LRP1B: variants seen among roughly 807,000 people sequenced by gnomAD.
The protein encoded by LRP1B is low-density lipoprotein receptor-related protein 1B.
LRP1B carries 217 observed loss-of-function variants against 556.6 expected under a neutral mutation model. The ratio of observed to expected loss-of-function variants is 0.39; its 90% confidence interval spans 0.35 to 0.44. The LOEUF is 0.44. Ranked by LOEUF, LRP1B falls within the 20% of genes least tolerant of loss-of-function variation. The pLI is 1.00. For missense variants in LRP1B, 5,053 were observed against 5,620.8 expected (o/e 0.90, Z 3.23); for synonymous variants, 2,047 against 1,865.8 (o/e 1.10, Z -2.50).
chr2:140,583,161 C>A (rs1484025119), intron 43 of LRP1B, among the ~76,000 whole-genome samples: 1 of 97,556 alleles, frequency 1.0e-5, no homozygotes, highest in Non-Finnish European at 2.0e-5. Context: ...GACAGTTTCT[C>A]CTTTTTTTTC....
rs539594068 is a variant in LRP1B at position 141,505,093 on chromosome 2, C to T, written c.206-24560G>A. ...TGTTTGAGAAGAATAAATCCCTCCT[C>T]TCTCTCTCTATCTCTCTCTCTCCCC... On this transcript the variant is annotated intron_variant, in intron 2 of 90. Transcript: ENST00000389484. Among the ~76,000 whole-genome samples, 429 of 110,528 alleles carry T rather than the reference C, an allele frequency of 3.9e-3. 4 individuals carry two copies. The highest frequency in any genetic ancestry group is 0.012 in the African/African-American group (345 of 28,502). 72.5% of individuals were successfully genotyped at this position (110,528 alleles called of 152,430 possible). A position where few individuals can be genotyped will look rare whatever the true frequency, so the allele number is the denominator to read the frequency against.
At chr2:140,314,001 C>T (rs1228448637) in intron 83 of LRP1B, among the ~76,000 whole-genome samples, 2 of 151,380 alleles carry the variant, frequency 1.3e-5, no homozygotes, top group South Asian at 4.2e-4. Context: ...CTTGATTTTT[C>T]AGATCCACAC....
At chr2:141,008,752 T>C (rs1697653322) in intron 14 of LRP1B, among the ~76,000 whole-genome samples, 1 of 151,934 alleles carries the variant, frequency 6.6e-6, no homozygotes, top group Admixed American at 6.6e-5. Flanking sequence ...GTGTGTTTGA[T>C]AAATATTAGT....
At chr2:141,624,798 C>A (rs553817199) in intron 2 of LRP1B, among the ~76,000 whole-genome samples, 3 of 151,940 alleles carry the variant, frequency 2.0e-5, no homozygotes, top group Admixed American at 6.6e-5. Context: ...GAGATGGGGT[C>A]TCGCGCTGTC....
intron 7 of LRP1B, among the ~76,000 whole-genome samples, chr2:141,101,803 G>C (rs1382103475): frequency 6.6e-6 from 1 of 152,120 alleles, no homozygotes; most frequent in African/African-American, 2.4e-5. Context: ...ATCTAAACCA[G>C]ACTGAATTTA....
At chr2:141,468,976 A>C (rs976297746) in intron 3 of LRP1B, among the ~76,000 whole-genome samples, 1 of 152,174 alleles carries the variant, frequency 6.6e-6, no homozygotes, top group East Asian at 1.9e-4. Flanking sequence ...TTACAACCAC[A>C]GTGGGTTGTT....
rs190230175 is a variant in LRP1B at position 140,448,522 on chromosome 2, C to T, written c.10057+2046G>A. On this transcript the variant is annotated intron_variant, in intron 63 of 90. Transcript: ENST00000389484. ...GCCAGGCAAAGAAAGACAAATACCA[C>T]GTGATCTCACTTATATGTAGACTCT... Among the ~76,000 whole-genome samples, 20 of 152,150 alleles carry T rather than the reference C, an allele frequency of 1.3e-4. No homozygotes were observed. The East Asian group carries it at 2.5e-3, about 19-fold the overall frequency.
At chr2:141,506,064 TC>T (rs1683922900) in intron 2 of LRP1B, among the ~76,000 whole-genome samples, 1 of 152,046 alleles carries the variant, frequency 6.6e-6, no homozygotes, top group Non-Finnish European at 1.5e-5. Flanking sequence ...TAATCATTTG[TC>T]ATTAGACAAA....
At chr2:142,074,303 C>T (rs925891301) in intron 1 of LRP1B, among the ~76,000 whole-genome samples, 1 of 152,012 alleles carries the variant, frequency 6.6e-6, no homozygotes, top group Non-Finnish European at 1.5e-5. Flanking sequence ...TAGCTCCTTG[C>T]TTTGGGGTTT....
At chr2:141,746,644 A>AG (rs1329714475) in intron 2 of LRP1B, among the ~76,000 whole-genome samples, 3 of 151,994 alleles carry the variant, frequency 2.0e-5, no homozygotes, top group Non-Finnish European at 4.4e-5. Flanking sequence ...GTTTCTATGC[A>AG]GAAAAAAAAA....
Position 141,134,947 on chromosome 2 carries a change from A to G in LRP1B, c.1013+53474T>C, listed in dbSNP as rs574883232. ...TATATATATATATATTTGCCCCTGT[A>G]GTGGTTTCAGGGGTAAGATTAGGAA... On this transcript the variant is annotated intron_variant, in intron 7 of 90. Transcript: ENST00000389484. Among the ~76,000 whole-genome samples, 172 of 151,884 alleles carry G rather than the reference A, an allele frequency of 1.1e-3. 2 individuals carry two copies. In the South Asian group the frequency reaches 0.024, roughly 21 times the overall value.
In LRP1B at chr2:140,287,661, A is replaced by T. The variant is rs1017618151; in HGVS notation, c.12967+10147T>A. ...GCAAGTAAAAAAAAAAAAAAAAAAAATCCAAATGTAGTCACTTGACCTTTG... is the reference window on the plus strand; with the variant it reads ...GCAAGTAAAAAAAAAAAAAAAAAAATTCCAAATGTAGTCACTTGACCTTTG... On this transcript the variant is annotated intron_variant, in intron 84 of 90. Coordinates refer to ENST00000389484, the MANE Select transcript of LRP1B (RefSeq NM_018557.3). Among the ~76,000 whole-genome samples the T allele has an allele frequency of 1.8e-3, 257 of 140,582 alleles. 1 individual carries two copies. Among genetic ancestry groups the T allele is most frequent in the Non-Finnish European group, 2.9e-3 (182 of 63,264 alleles). The allele number at this position is 140,582 out of a possible 152,430, so 92.2% of individuals were successfully genotyped here.
chr2:140,685,562 A>G (rs1367313213), intron 41 of LRP1B, among the ~76,000 whole-genome samples: 2 of 152,242 alleles, frequency 1.3e-5, no homozygotes, highest in African/African-American at 2.4e-5. Context: ...GCTTTTAACC[A>G]ATATTCTGTA....
At chr2:140,645,233 T>C (rs920201305) in intron 41 of LRP1B, among the ~76,000 whole-genome samples, 2 of 152,136 alleles carry the variant, frequency 1.3e-5, no homozygotes, top group African/African-American at 2.4e-5. Context: ...ATTTACAACA[T>C]TCAGTGATAT....
chr2:141,731,462 A>T (rs988852447), intron 2 of LRP1B, among the ~76,000 whole-genome samples: 1 of 152,110 alleles, frequency 6.6e-6, no homozygotes, highest in African/African-American at 2.4e-5. Context: ...TGCAGGTAAA[A>T]GTTACCTCCA....
intron 41 of LRP1B, among the ~76,000 whole-genome samples, chr2:140,648,626 G>T (rs992315541): frequency 1.1e-4 from 16 of 151,936 alleles, no homozygotes; most frequent in Non-Finnish European, 2.4e-4. Context: ...CCGGGTTCAG[G>T]GGTAATCTCT....
chr2:141,497,299 G>A (rs4338922), intron 2 of LRP1B, among the ~76,000 whole-genome samples: 84,327 of 151,690 alleles, frequency 0.56, 23,851 homozygotes, highest in African/African-American at 0.65. Context: ...TTTTTTAGAG[G>A]CAACTATTTT....
chr2:141,084,695 A>G (rs905298601), intron 7 of LRP1B, among the ~76,000 whole-genome samples: 24 of 147,342 alleles, frequency 1.6e-4, no homozygotes, highest in African/African-American at 5.3e-4. Context: ...TGTCCCCCAG[A>G]CTGGAGTGCA....
intron 85 of LRP1B, among the ~76,000 whole-genome samples, chr2:140,273,440 G>A (rs1384872353): frequency 6.6e-6 from 1 of 151,880 alleles, no homozygotes; most frequent in Non-Finnish European, 1.5e-5. Flanking sequence ...TCCCAATTTT[G>A]CAGGTTTGCG....
Sources: allele counts gnomAD v4.1 joint callset (sites outside exome capture counted in the v4.1 genomes callset), GRCh38; gene constraint gnomAD v4.1.1; transcripts MANE v1.5; gene names NCBI Gene and HGNC (gene_info 2026-07-23, HGNC 2026-07-21).